Variants in KIRREL3 observed in about 807,000 individuals in gnomAD.
KIRREL3 encodes the protein kin of IRRE-like protein 3.
KIRREL3 carries 36 observed loss-of-function variants against 89.7 expected under a neutral mutation model. The ratio of observed to expected loss-of-function variants is 0.40; its 90% confidence interval spans 0.31 to 0.53. The LOEUF (loss-of-function observed/expected upper bound fraction) is 0.53, where lower values mean the gene tolerates loss of function less well. Ranked by LOEUF, KIRREL3 falls within the 20% of genes least tolerant of loss-of-function variation. The pLI is 0.49. For synonymous variants in KIRREL3, 445 were observed against 441.4 expected, an observed-to-expected ratio of 1.01 and a Z score of -0.10; for missense variants, 864 against 1,056.6, an observed-to-expected ratio of 0.82 and a Z score of 2.53.
chr11:126,455,057 C>T lies in KIRREL3; in HGVS notation c.848+1292G>A, dbSNP rs1441752940. On this transcript the variant is annotated intron_variant, in intron 7 of 16. Transcript: ENST00000525144. The surrounding 1 kb of genome is among the most constrained non-coding windows in gnomAD (Gnocchi z 6.4). ...CGGGGGCCACACTGGCTCTTGTCTT[C>T]CCTGTTCTCCATTCCCACAGGCCGG... Among the ~76,000 whole-genome samples, 1 of 152,200 alleles carries T rather than the reference C, an allele frequency of 6.6e-6. No homozygotes were observed. Among genetic ancestry groups the T allele is most frequent in the Non-Finnish European group, 1.5e-5 (1 of 68,032 alleles).
At position 126,892,848 on chromosome 11, in the gene KIRREL3, G is replaced by A. The variant is rs545311170; in HGVS notation, c.55+107607C>T. ...CCTACTCAAGAGAGGACAAAAGAGAGGCTCGGGTAGAGCTTATCTAGTGGA... is the reference window on the plus strand; with the variant it reads ...CCTACTCAAGAGAGGACAAAAGAGAAGCTCGGGTAGAGCTTATCTAGTGGA... On this transcript the variant is annotated intron_variant, in intron 1 of 16. Transcript: ENST00000525144. The surrounding 1 kb of genome is among the most constrained non-coding windows in gnomAD (Gnocchi z 5.4). Among the ~76,000 whole-genome samples the A allele has an allele frequency of 1.3e-5, 2 of 152,320 alleles. No individual in the cohort carries two copies. Among genetic ancestry groups the A allele is most frequent in the Admixed American group, 1.3e-4 (2 of 15,300 alleles).
At chr11:126,998,118 A>G (rs145341164) in intron 1 of KIRREL3, among the ~76,000 whole-genome samples, 2 of 152,332 alleles carry the variant, frequency 1.3e-5, no homozygotes, top group African/African-American at 4.8e-5. Flanking sequence ...TAAGTTGATG[A>G]ATGCATGACA....
chr11:126,514,258 C>A (rs1434698272), intron 4 of KIRREL3, among the ~76,000 whole-genome samples: 5 of 152,124 alleles, frequency 3.3e-5, no homozygotes, highest in Non-Finnish European at 7.4e-5. Flanking sequence ...GGGGTGATTG[C>A]AGGGTAATGA....
intron 1 of KIRREL3, among the ~76,000 whole-genome samples, chr11:126,925,102 G>A (rs928593996): frequency 1.7e-5 from 2 of 116,714 alleles, no homozygotes; most frequent in African/African-American, 4.3e-5. Flanking sequence ...AAGGTCGGGG[G>A]GGGGGGGGGG....
rs941527948 is a variant in KIRREL3 at position 126,795,429 on chromosome 11, G to A, written c.55+205026C>T. Among the ~76,000 whole-genome samples, 3 of 152,150 alleles carry A rather than the reference G, an allele frequency of 2.0e-5. No homozygotes were observed. The highest frequency in any genetic ancestry group is 7.2e-5 in the African/African-American group (3 of 41,418). ...CTGTGACCCAGCCTGGAGTGCAGTG[G>A]CGTGATCTCTGCTCACTGCAACCTC... On this transcript the variant is annotated intron_variant, in intron 1 of 16. Transcript: ENST00000525144. The surrounding 1 kb of genome is among the most constrained non-coding windows in gnomAD (Gnocchi z 4.1).
At chr11:126,930,112 A>G (rs1407016346) in intron 1 of KIRREL3, among the ~76,000 whole-genome samples, 1 of 152,148 alleles carries the variant, frequency 6.6e-6, no homozygotes, top group Non-Finnish European at 1.5e-5. Flanking sequence ...CTTAAAAAAA[A>G]AAAACTCTTC....
At position 126,811,608 on chromosome 11, in the gene KIRREL3, T is replaced by C. The variant is rs749770639; in HGVS notation, c.55+188847A>G. On this transcript the variant is annotated intron_variant, in intron 1 of 16. Coordinates refer to ENST00000525144, the MANE Select transcript of KIRREL3 (RefSeq NM_032531.4). This position sits in a 1 kb window ranked among gnomAD's most constrained non-coding sequence, Gnocchi z 4.3. ...TTTTTTTTCTTTTTCTTTTTTGAGA[T>C]GGAGTTTTGCTCTTGTCACCCAGGC... Among the ~76,000 whole-genome samples, 1 of 152,152 alleles carries C rather than the reference T, an allele frequency of 6.6e-6. No homozygotes were observed. Among genetic ancestry groups the C allele is most frequent in the Non-Finnish European group, 1.5e-5 (1 of 68,022 alleles).
rs377498432 is a variant in KIRREL3 at position 126,501,779 on chromosome 11, G to A, written c.433+19536C>T. On this transcript the variant is annotated intron_variant, in intron 4 of 16. Coordinates refer to ENST00000525144, the MANE Select transcript of KIRREL3 (RefSeq NM_032531.4). This position sits in a 1 kb window ranked among gnomAD's most constrained non-coding sequence, Gnocchi z 5.8. Reference sequence around the variant, plus strand: ...CTGCCTGCCTTTGCCTCCTTTTCCCGCTTCTGTTCCTAGTTCAACCCCCAC... The same window carrying A: ...CTGCCTGCCTTTGCCTCCTTTTCCCACTTCTGTTCCTAGTTCAACCCCCAC... Among the ~76,000 whole-genome samples the A allele has an allele frequency of 8.5e-5, 13 of 152,052 alleles. No individual in the cohort carries two copies. Among genetic ancestry groups the A allele is most frequent in the Non-Finnish European group, 1.5e-4 (10 of 68,024 alleles).
intron 1 of KIRREL3, among the ~76,000 whole-genome samples, chr11:126,731,707 G>T (rs988888971): frequency 2.0e-5 from 3 of 152,194 alleles, no homozygotes; most frequent in Admixed American, 1.3e-4. Context: ...CTCTAAGTAG[G>T]TCAGTTTTAG....
At chr11:126,478,611 ATATGTGTG>A (rs11278757) in intron 4 of KIRREL3, among the ~76,000 whole-genome samples, 24,180 of 150,684 alleles carry the variant, frequency 0.16, 2,216 homozygotes, top group Admixed American at 0.31. Flanking sequence ...ATATGCATGT[ATATGTGTG>A]TATGTGTGTA....
chr11:126,659,327 T>G (rs907503691), intron 1 of KIRREL3, among the ~76,000 whole-genome samples: 1 of 152,176 alleles, frequency 6.6e-6, no homozygotes, highest in East Asian at 1.9e-4. Context: ...ATGAGAAAAT[T>G]CATATTGAAC....
chr11:126,590,145 T>C (rs1942067103), intron 1 of KIRREL3, among the ~76,000 whole-genome samples: 1 of 152,262 alleles, frequency 6.6e-6, no homozygotes, highest in African/African-American at 2.4e-5. Context: ...GGCCTGCCTC[T>C]TCCTCATTTG....
Position 126,687,911 on chromosome 11 carries a change from A to G in KIRREL3, c.56-124999T>C, listed in dbSNP as rs1247532925. Among the ~76,000 whole-genome samples the G allele has an allele frequency of 1.3e-5, 2 of 152,248 alleles. No individual in the cohort carries two copies. Among genetic ancestry groups the G allele is most frequent in the African/African-American group, 2.4e-5 (1 of 41,468 alleles). Reference sequence around the variant, plus strand: ...AAAGCCCTCCTAGGCCCGAAGCAGCAAAAGAAAGCATCTAGAAAAAGGAAA... The same window carrying G: ...AAAGCCCTCCTAGGCCCGAAGCAGCGAAAGAAAGCATCTAGAAAAAGGAAA... On this transcript the variant is annotated intron_variant, in intron 1 of 16. Coordinates refer to ENST00000525144, the MANE Select transcript of KIRREL3 (RefSeq NM_032531.4). This position sits in a 1 kb window ranked among gnomAD's most constrained non-coding sequence, Gnocchi z 4.6.
rs73633734 is a variant in KIRREL3 at position 126,521,111 on chromosome 11, C to T, written c.433+204G>A. On this transcript the variant is annotated intron_variant, in intron 4 of 16. Transcript: ENST00000525144. This position sits in a 1 kb window ranked among gnomAD's most constrained non-coding sequence, Gnocchi z 4.1. ...GACTGAGTCCGCTGGCATTGGCTGTCTGGTTTACTAGGGAAAGAGCCTTCG... is the reference window on the plus strand; with the variant it reads ...GACTGAGTCCGCTGGCATTGGCTGTTTGGTTTACTAGGGAAAGAGCCTTCG... Among the ~76,000 whole-genome samples, 732 of 152,320 alleles carry T rather than the reference C, an allele frequency of 4.8e-3. 7 individuals carry two copies. Among genetic ancestry groups the T allele is most frequent in the African/African-American group, 0.017 (694 of 41,590 alleles).
In KIRREL3 at chr11:126,970,427, A is replaced by G. The variant is rs531474410; in HGVS notation, c.55+30028T>C. Among the ~76,000 whole-genome samples, 1 of 152,330 alleles carries G rather than the reference A, an allele frequency of 6.6e-6. No homozygotes were observed. The highest frequency in any genetic ancestry group is 1.5e-5 in the Non-Finnish European group (1 of 68,022). ...TTAAGTGATAGTTGTGCCAATAAAC[A>G]GAAGACCCTAGGTGTGTAGCGACAT... On this transcript the variant is annotated intron_variant, in intron 1 of 16. Coordinates refer to ENST00000525144, the MANE Select transcript of KIRREL3 (RefSeq NM_032531.4). This position sits in a 1 kb window ranked among gnomAD's most constrained non-coding sequence, Gnocchi z 4.4.
intron 1 of KIRREL3, among the ~76,000 whole-genome samples, chr11:126,826,667 T>C (rs1943425187): frequency 6.6e-6 from 1 of 152,174 alleles, no homozygotes. Context: ...ACACAGAAGC[T>C]GGCTCTCCTT....
At position 126,490,970 on chromosome 11, in the gene KIRREL3, G is replaced by A. The variant is rs188693122; in HGVS notation, c.434-17504C>T. On this transcript the variant is annotated intron_variant, in intron 4 of 16. Coordinates refer to ENST00000525144, the MANE Select transcript of KIRREL3 (RefSeq NM_032531.4). This position sits in a 1 kb window ranked among gnomAD's most constrained non-coding sequence, Gnocchi z 4.2. ...CAGCCCACCTGCACGAGGAGGGGGCGTTTGGAGGGTGGAGGAGAGCCTGTT... is the reference window on the plus strand; with the variant it reads ...CAGCCCACCTGCACGAGGAGGGGGCATTTGGAGGGTGGAGGAGAGCCTGTT... Among the ~76,000 whole-genome samples, 13 of 152,342 alleles carry A rather than the reference G, an allele frequency of 8.5e-5. No individual in the cohort carries two copies. Among genetic ancestry groups the A allele is most frequent in the East Asian group, 1.9e-4 (1 of 5,184 alleles).
chr11:126,424,368 T>TCCCCC lies in KIRREL3; in HGVS notation c.*211_*212insGGGGG. 1 of 495,710 alleles carries TCCCCC rather than the reference T, an allele frequency of 2.0e-6. No individual in the cohort carries two copies. The highest frequency in any genetic ancestry group is 2.0e-5 in the South Asian group (1 of 49,272). 30.7% of individuals were successfully genotyped at this position (495,710 alleles called of 1,614,324 possible). A position where few individuals can be genotyped will look rare whatever the true frequency, so the allele number is the denominator to read the frequency against. ...CGCACTCAGCCGCAGCCTCTGTCTG[T>TCCCCC]CTCCCCACCCGCCCACCTCTGGCAC... On this transcript the variant is annotated 3_prime_UTR_variant, in exon 17 of 17. Coordinates refer to ENST00000525144, the MANE Select transcript of KIRREL3 (RefSeq NM_032531.4).
rs869201367 is a variant in KIRREL3 at position 126,514,874 on chromosome 11, C to CAACACAACAA, written c.433+6440_433+6441insTTGTTGTGTT. On this transcript the variant is annotated intron_variant, in intron 4 of 16. Coordinates refer to ENST00000525144, the MANE Select transcript of KIRREL3 (RefSeq NM_032531.4). ...CAACACAACACAACACAACAAAACACAATTGTCATCCGTGTTTGGGGCTTA... is the reference window on the plus strand; with the variant it reads ...CAACACAACACAACACAACAAAACACAACACAACAAAATTGTCATCCGTGTTTGGGGCTTA... 2.0e-3 allele frequency among the ~76,000 whole-genome samples: 280 copies of CAACACAACAA among 139,266 alleles called. 3 individuals carry two copies. Among genetic ancestry groups the CAACACAACAA allele is most frequent in the African/African-American group, 8.4e-3 (267 of 31,776 alleles). The allele number at this position is 139,266 out of a possible 152,430, so 91.4% of individuals were successfully genotyped here.
Sources: allele counts gnomAD v4.1 joint callset (sites outside exome capture counted in the v4.1 genomes callset), GRCh38; gene constraint gnomAD v4.1.1; non-coding constraint Gnocchi (gnomAD v3.1); transcripts MANE v1.5; gene names NCBI Gene and HGNC (gene_info 2026-07-23, HGNC 2026-07-21).